The following EXOC6B variants were observed in gnomAD, a reference collection of about 807,000 sequenced individuals.
The protein encoded by EXOC6B is exocyst complex component 6B.
EXOC6B carries 54 observed loss-of-function variants against 113.5 expected under a neutral mutation model. That is an observed-to-expected ratio of 0.48 (90% confidence interval 0.38 to 0.60). The LOEUF (loss-of-function observed/expected upper bound fraction) is 0.60, where lower values mean the gene tolerates loss of function less well. EXOC6B is among the 20% of genes least tolerant of loss of function. EXOC6B has a pLI of 0.00. For synonymous variants in EXOC6B, 357 were observed against 339.0 expected, an observed-to-expected ratio of 1.05 and a Z score of -0.58; for missense variants, 797 against 977.5, an observed-to-expected ratio of 0.82 and a Z score of 2.46.
chr2:72,449,652 A>T (rs1696798617), intron 18 of EXOC6B, among the ~76,000 whole-genome samples: 1 of 152,186 alleles, frequency 6.6e-6, no homozygotes, highest in African/African-American at 2.4e-5. Flanking sequence ...TCAGGCCTTG[A>T]TCTAAAATTG....
In EXOC6B at chr2:72,499,913, A is replaced by T; in HGVS notation, c.1227T>A (p.Ala409=). 1 of 1,552,724 alleles carries T rather than the reference A, an allele frequency of 6.4e-7. No individual in the cohort carries two copies. Among genetic ancestry groups the T allele is most frequent in the Non-Finnish European group, 8.7e-7 (1 of 1,146,822 alleles). ...LDLKNLIVLF[A]DTLQVYGFPV... is the part of the protein sequence containing the mutation. ...AGAAATCACATACCTGAAGTGTGTCAGCAAAAAGCACAATGAGGTTCTTCA... is the reference window on the plus strand; with the variant it reads ...AGAAATCACATACCTGAAGTGTGTCTGCAAAAAGCACAATGAGGTTCTTCA... The change falls in exon 12 of 22, where the codon GCT becomes GCA. Residue 409 remains alanine (A), a synonymous_variant. Transcript: ENST00000272427.
intron 18 of EXOC6B, among the ~76,000 whole-genome samples, chr2:72,449,223 C>T (rs573658671): frequency 2.0e-5 from 3 of 152,074 alleles, no homozygotes; most frequent in Admixed American, 2.0e-4. Flanking sequence ...CGCTCTGTCG[C>T]CCAGGCTGGA....
intron 20 of EXOC6B, among the ~76,000 whole-genome samples, chr2:72,223,678 G>C (rs1036886320): frequency 7.0e-6 from 1 of 141,848 alleles, no homozygotes; most frequent in African/African-American, 2.9e-5. Flanking sequence ...CCTAGTGAAG[G>C]CCTGTTTTTT....
intron 19 of EXOC6B, among the ~76,000 whole-genome samples, chr2:72,340,714 C>T (rs1251898630): frequency 6.6e-6 from 1 of 152,154 alleles, no homozygotes; most frequent in Non-Finnish European, 1.5e-5. Flanking sequence ...TGTTAGGTCA[C>T]ATGTGTTTTT....
At chr2:72,455,096 T>C (rs529407694) in intron 18 of EXOC6B, among the ~76,000 whole-genome samples, 4 of 152,130 alleles carry the variant, frequency 2.6e-5, no homozygotes, top group Non-Finnish European at 5.9e-5. Context: ...GATCTACCTA[T>C]GTAATTAATG....
intron 6 of EXOC6B, among the ~76,000 whole-genome samples, chr2:72,610,458 T>C (rs944717097): frequency 1.3e-5 from 2 of 152,310 alleles, no homozygotes; most frequent in Middle Eastern, 3.4e-3. Flanking sequence ...AGAAAATGGA[T>C]GATTCTTGGA....
intron 6 of EXOC6B, among the ~76,000 whole-genome samples, chr2:72,684,203 A>G (rs1676925331): frequency 6.6e-6 from 1 of 152,198 alleles, no homozygotes. Flanking sequence ...CTGGGATTAA[A>G]GGCATGAGCC....
intron 18 of EXOC6B, among the ~76,000 whole-genome samples, chr2:72,384,190 A>C (rs1193480273): frequency 6.6e-6 from 1 of 152,122 alleles, no homozygotes; most frequent in Non-Finnish European, 1.5e-5. Flanking sequence ...AAACAAAGCA[A>C]AACAAAAGGT....
At chr2:72,215,876 T>C (rs1349479127) in intron 20 of EXOC6B, among the ~76,000 whole-genome samples, 1 of 152,082 alleles carries the variant, frequency 6.6e-6, no homozygotes, top group African/African-American at 2.4e-5. Context: ...GCTTCTGTCC[T>C]TTCTCCATTG....
intron 8 of EXOC6B, among the ~76,000 whole-genome samples, chr2:72,552,887 A>G (rs1413374977): frequency 6.6e-5 from 10 of 152,000 alleles, no homozygotes; most frequent in African/African-American, 2.4e-4. Context: ...ATTATTTACC[A>G]AAAAGCTATA....
intron 20 of EXOC6B, among the ~76,000 whole-genome samples, chr2:72,289,311 A>G (rs535801100): frequency 5.3e-5 from 8 of 152,252 alleles, no homozygotes; most frequent in Admixed American, 1.3e-4. Context: ...ATGAAGCCAT[A>G]TAATTATGAT....
At chr2:72,277,666 G>A (rs946307986) in intron 20 of EXOC6B, among the ~76,000 whole-genome samples, 29 of 151,816 alleles carry the variant, frequency 1.9e-4, no homozygotes, top group East Asian at 5.9e-4. Flanking sequence ...TAATTTCTTC[G>A]TATTTTCAGT....
At chr2:72,820,379 AGT>A (rs1221058782) in intron 1 of EXOC6B, among the ~76,000 whole-genome samples, 1 of 152,194 alleles carries the variant, frequency 6.6e-6, no homozygotes, top group Non-Finnish European at 1.5e-5. Flanking sequence ...CTGTTTTAAC[AGT>A]GAAAAAGGTA....
intron 17 of EXOC6B, among the ~76,000 whole-genome samples, chr2:72,470,812 G>A (rs952484732): frequency 1.3e-3 from 151 of 115,904 alleles, no homozygotes; most frequent in African/African-American, 0.012. Context: ...ATATTTTATG[G>A]CGCATAGTAT....
intron 16 of EXOC6B, among the ~76,000 whole-genome samples, chr2:72,489,678 G>A (rs549376922): frequency 1.3e-5 from 2 of 152,238 alleles, no homozygotes; most frequent in Admixed American, 1.3e-4. Context: ...GTATATATTA[G>A]AACATACAGT....
intron 2 of EXOC6B, among the ~76,000 whole-genome samples, chr2:72,739,168 T>C (rs1681148950): frequency 6.6e-6 from 1 of 152,204 alleles, no homozygotes; most frequent in Non-Finnish European, 1.5e-5. Context: ...TTAAGTGATG[T>C]TAGGAACACT....
chr2:72,761,817 T>C (rs1682756133), intron 1 of EXOC6B, among the ~76,000 whole-genome samples: 1 of 152,008 alleles, frequency 6.6e-6, no homozygotes, highest in Non-Finnish European at 1.5e-5. Context: ...AAAGTAATTA[T>C]AAAACTGTTC....
chr2:72,571,624 A>C (rs1046860422), intron 7 of EXOC6B, among the ~76,000 whole-genome samples: 1 of 152,180 alleles, frequency 6.6e-6, no homozygotes, highest in Admixed American at 6.5e-5. Flanking sequence ...TTAAACTTCA[A>C]TAAGCTGAGG....
At chr2:72,715,715 T>C (rs1195158843) in intron 6 of EXOC6B, among the ~76,000 whole-genome samples, 2 of 152,154 alleles carry the variant, frequency 1.3e-5, no homozygotes, top group African/African-American at 4.8e-5. Context: ...GGTTTTGTTA[T>C]AGTTATTTTA....
Sources: gnomAD v4.1 joint callset for allele counts (sites outside exome capture counted in the v4.1 genomes callset) on GRCh38, gnomAD v4.1.1 for gene constraint, MANE v1.5 for transcripts, NCBI Gene and HGNC (gene_info 2026-07-23, HGNC 2026-07-21) for gene names.